The following CHD8 variants were observed in gnomAD, a reference collection of about 807,000 sequenced individuals.
CHD8 encodes ATP-dependent chromatin remodeler CHD8.
A neutral mutation model predicts 279.2 loss-of-function variants in CHD8; 31 were observed. The observed-to-expected ratio is 0.11, with a 90% CI of 0.08 to 0.15. CHD8 has a LOEUF of 0.15. Ranked by LOEUF, CHD8 falls within the 10% of genes least tolerant of loss-of-function variation. CHD8 has a pLI of 1.00. For synonymous variants in CHD8, 1,081 were observed against 1,139.6 expected, an observed-to-expected ratio of 0.95 and a Z score of 1.04; for missense variants, 2,146 against 3,230.5, an observed-to-expected ratio of 0.66 and a Z score of 8.14.
rs781728860 is a variant in CHD8 at position 21,409,843 on chromosome 14, G to C, written c.2364+8C>G. 3.7e-6 allele frequency: 6 copies of C among 1,611,800 alleles called. No individual in the cohort carries two copies. The highest frequency in any genetic ancestry group is 5.1e-6 in the Non-Finnish European group (6 of 1,178,854). ...TAGGCCTTTATACTTTAATGCAAAT[G>C]TACTTACCACCCTTTTGAGTTCTGG... On this transcript the variant is annotated splice_region_variant and intron_variant, in intron 11 of 37. Coordinates refer to ENST00000646647, the MANE Select transcript of CHD8 (RefSeq NM_001170629.2).
chr14:21,440,041 C>T (rs771803173), intron 1 of CHD8, among the ~76,000 whole-genome samples: 17 of 152,142 alleles, frequency 1.1e-4, no homozygotes, highest in Non-Finnish European at 2.4e-4. Context: ...CCTCAACTCA[C>T]AGTAAGTAAG....
chr14:21,395,505 C>A, intron 28 of CHD8, 153 bp from the exon 29 acceptor site: 3 of 618,320 alleles, frequency 4.9e-6, no homozygotes, highest in Non-Finnish European at 8.5e-6. Flanking sequence ...AACTTGGAAA[C>A]AATCAACTAA....
At chr14:21,397,487 C>T (rs1260273656) in intron 27 of CHD8, 1 of 410,606 alleles carries the variant, frequency 2.4e-6, no homozygotes, top group Non-Finnish European at 5.0e-6. Context: ...TAAGGCTCTT[C>T]CACAGAAGCA....
intron 9 of CHD8, chr14:21,413,993 A>G (rs1404382615): frequency 7.7e-6 from 2 of 260,436 alleles, no homozygotes; most frequent in Non-Finnish European, 1.5e-5. Flanking sequence ...GAAACCATCA[A>G]TAGCTAAAGA....
rs777017873 is a variant in CHD8, at chr14:21,394,518, G to C, written c.5391-33C>G. On this transcript the variant is annotated intron_variant, in intron 30 of 37. Transcript: ENST00000646647. ...AGGAAAAGTAGGGCAACAATAATCA[G>C]AAGAACACATCAGAAGAACACAAGA... 2.5e-5 allele frequency: 32 copies of C among 1,284,422 alleles called. No individual in the cohort carries two copies. In the South Asian group the frequency reaches 3.6e-4, roughly 14 times the overall value. 79.6% of individuals were successfully genotyped at this position (1,284,422 alleles called of 1,614,324 possible).
At position 21,399,952 on chromosome 14, in the gene CHD8, T is replaced by C. The variant is rs144484778; in HGVS notation, c.4817+29A>G. 7.0e-6 allele frequency: 11 copies of C among 1,577,424 alleles called. No individual in the cohort carries two copies. In the African/African-American group the frequency reaches 1.2e-4, roughly 17 times the overall value. On this transcript the variant is annotated intron_variant, in intron 25 of 37. Coordinates refer to ENST00000646647, the MANE Select transcript of CHD8 (RefSeq NM_001170629.2). ...ATCTTCCCTCAAATAAGGTAGGGCA[T>C]AAATCAAAAAAATATAGCAGAATTT... is the stretch of plus-strand genomic sequence containing the variant.
chr14:21,412,935 C>T lies in CHD8; in HGVS notation c.2204G>A (p.Ser735Asn), dbSNP rs918928135. The change falls in exon 10 of 38, where the codon AGT (serine) becomes AAT (asparagine). Residue 735 changes from serine to asparagine, a missense_variant. Around this residue, in one of 26 missense-constraint regions of CHD8, gnomAD observed 211 missense variants for 464.7 expected, o/e 0.45. Transcript: ENST00000646647. ...EVDRILDESH[S>N]IDKDNGEPVI... ...CACCTCCCCATTGTCCTTGTCAATA[C>T]TGTGAGACTCATCCAATATCCTATC... The T allele has an allele frequency of 3.7e-6, 6 of 1,608,018 alleles. No homozygotes were observed. The highest frequency in any genetic ancestry group is 5.1e-6 in the Non-Finnish European group (6 of 1,174,650).
intron 1 of CHD8, among the ~76,000 whole-genome samples, chr14:21,445,030 C>T (rs544586984): frequency 6.6e-6 from 1 of 152,282 alleles, no homozygotes; most frequent in Non-Finnish European, 1.5e-5. Flanking sequence ...TCTCCAGCAT[C>T]TCCTATCTGG....
chr14:21,450,709 T>C (rs61973193), intron 1 of CHD8, among the ~76,000 whole-genome samples: 5,080 of 151,982 alleles, frequency 0.033, 116 homozygotes, highest in African/African-American at 0.062. Flanking sequence ...TAAGACCTTA[T>C]AGCTGTTCAG....
chr14:21,405,362 C>G lies in CHD8; in HGVS notation c.3154G>C (p.Glu1052Gln). ...APKQETIIEVELTNIQKKYYR... is the reference protein window; with the variant it reads ...APKQETIIEVQLTNIQKKYYR... ...TATTTCTTCTGGATATTAGTCAGCT[C>G]TACTTCAATAATTGTTTCCTGTTTG... Residue 1052 changes from glutamate to glutamine, a missense_variant, in exon 16 of 38, where the codon GAG becomes CAG. Transcript: ENST00000646647. The surrounding 1 kb of genome is among the most constrained non-coding windows in gnomAD (Gnocchi z 4.2). The G allele has an allele frequency of 1.2e-6, 2 of 1,603,298 alleles. No homozygotes were observed. Among genetic ancestry groups the G allele is most frequent in the Non-Finnish European group, 1.7e-6 (2 of 1,174,004 alleles).
At chr14:21,443,653 G>A (rs1198172968) in intron 1 of CHD8, among the ~76,000 whole-genome samples, 3 of 151,952 alleles carry the variant, frequency 2.0e-5, no homozygotes, top group Non-Finnish European at 4.4e-5. Context: ...AGGAGATCGA[G>A]ACCATCCTGG....
intron 1 of CHD8, among the ~76,000 whole-genome samples, chr14:21,444,049 G>A (rs1246060135): frequency 1.3e-5 from 2 of 151,978 alleles, no homozygotes; most frequent in African/African-American, 4.8e-5. Flanking sequence ...TTTGTATATG[G>A]AAATATAATG....
Position 21,423,955 on chromosome 14 carries a change from T to C in CHD8, c.1716+2173A>G, listed in dbSNP as rs1264562758. Among the ~76,000 whole-genome samples, 3 of 152,316 alleles carry C rather than the reference T, an allele frequency of 2.0e-5. No individual in the cohort carries two copies. In the South Asian group the frequency reaches 6.2e-4, roughly 32 times the overall value. ...AGTCAAGAAAAGAACCCAAGAAATCTGGCTCCAGAGTCTGTGCTCTCAACC... is the reference window on the plus strand; with the variant it reads ...AGTCAAGAAAAGAACCCAAGAAATCCGGCTCCAGAGTCTGTGCTCTCAACC... On this transcript the variant is annotated intron_variant, in intron 5 of 37. Transcript: ENST00000646647.
chr14:21,429,249 T>A lies in CHD8; in HGVS notation c.930A>T (p.Leu310=). Reference sequence around the variant, plus strand: ...TGCCCTGTAACACTATCTTGCCTGGTAGACTCCCTAGCACAACATGCCGAT... The same window carrying A: ...TGCCCTGTAACACTATCTTGCCTGGAAGACTCCCTAGCACAACATGCCGAT... ...QGHRHVVLGS[L]PGKIVLQGNQ... The change falls in exon 3 of 38, where the codon CTA becomes CTT. Residue 310 remains leucine, a synonymous_variant. Transcript: ENST00000646647. 6.2e-7 allele frequency: 1 copy of A among 1,613,670 alleles called. No individual in the cohort carries two copies. The highest frequency in any genetic ancestry group is 1.1e-5 in the South Asian group (1 of 91,056).
chr14:21,411,937 G>A (rs888775604), intron 10 of CHD8, among the ~76,000 whole-genome samples: 6 of 151,898 alleles, frequency 4.0e-5, no homozygotes, highest in East Asian at 3.9e-4. Flanking sequence ...GATGGCACAC[G>A]CTTGCAGTCC....
In CHD8 at chr14:21,415,790, G is replaced by A; in HGVS notation, c.1834C>T (p.Pro612Ser). Residue 612 changes from proline to serine, a missense_variant, in exon 6 of 38, where the codon CCT becomes TCT. By Grantham distance (74) the Pro-to-Ser change is moderately conservative (BLOSUM62 -1). Around this residue, in one of 26 missense-constraint regions of CHD8, gnomAD observed 123 missense variants for 169.2 expected, o/e 0.73. Transcript: ENST00000646647. ...TCTTGCACTGGTTCAGGGAGGATAG[G>A]CTCAGGTTTTATTGGACCAGTTACA... ...VDVTGPIKPE[P>S]ILPEPVQEPD... The A allele has an allele frequency of 6.2e-7, 1 of 1,613,930 alleles. No individual in the cohort carries two copies. The highest frequency in any genetic ancestry group is 8.5e-7 in the Non-Finnish European group (1 of 1,179,848).
intron 2 of CHD8, 163 bp downstream of exon 2, chr14:21,430,638 A>G: frequency 3.4e-6 from 2 of 594,066 alleles, no homozygotes; most frequent in Non-Finnish European, 6.0e-6. Flanking sequence ...AACTGCTTCC[A>G]ACCAGCAAGT....
chr14:21,452,321 CAATA>C lies in CHD8; in HGVS notation c.-216+3707_-216+3710del, dbSNP rs555770695. 7.3e-5 allele frequency among the ~76,000 whole-genome samples: 11 copies of C among 151,446 alleles called. No individual in the cohort carries two copies. The South Asian group carries it at 1.9e-3, about 26-fold the overall frequency. On this transcript the variant is annotated intron_variant, in intron 1 of 37. Transcript: ENST00000646647. ...TGAGCCACTGCACCCAGCCAGAATG[CAATA>C]AATGTTAAATAAACTTTAGGTAAAA...
rs1165468640 is a variant in CHD8 at position 21,429,285 on chromosome 14, A to T, written c.894T>A (p.Gly298=). The change falls in exon 3 of 38, where the codon GGT becomes GGA. Residue 298 remains glycine (G), a synonymous_variant. Transcript: ENST00000646647. The part of the protein sequence containing the change: ...TLVLQQPQSG[G]PQGHRHVVLG... ...GCACAACATGCCGATGTCCTTGGGG[A>T]CCTCCAGACTGTGGCTGCTGGAGGA... The T allele has an allele frequency of 1.2e-6, 2 of 1,605,814 alleles. No homozygotes were observed. The highest frequency in any genetic ancestry group is 4.5e-5 in the East Asian group (2 of 44,700).
Sources: allele counts gnomAD v4.1 joint callset (sites outside exome capture counted in the v4.1 genomes callset), GRCh38; gene constraint gnomAD v4.1.1; regional missense constraint gnomAD v4.1.1; non-coding constraint Gnocchi (gnomAD v3.1); transcripts MANE v1.5; gene names NCBI Gene and HGNC (gene_info 2026-07-23, HGNC 2026-07-21).